TTN: variants seen among roughly 807,000 people sequenced by gnomAD.
TTN encodes the protein connectin.
In TTN, 1,525 loss-of-function variants were observed where a neutral mutation model predicts 3,223.0. That is an observed-to-expected ratio of 0.47 (90% CI 0.45 to 0.49). The LOEUF (loss-of-function observed/expected upper bound fraction) is 0.49, where lower values mean the gene tolerates loss of function less well. Ranked by LOEUF, TTN falls within the 20% of genes least tolerant of loss-of-function variation. The pLI is 0.00. For synonymous variants in TTN, 14,094 were observed against 15,161.0 expected, an observed-to-expected ratio of 0.93 and a Z score of 5.17; for missense variants, 40,786 against 43,424.0, an observed-to-expected ratio of 0.94 and a Z score of 5.40.
chr2:178,759,479 A>G (rs952068040), intron 43 of TTN, among the ~76,000 whole-genome samples: 1 of 152,240 alleles, frequency 6.6e-6, no homozygotes, highest in Non-Finnish European at 1.5e-5. Context: ...AGCAGAGACA[A>G]GATTTTGACA....
chr2:178,671,274 AT>A (rs1275979981), intron 155 of TTN, 104 bp from the exon 156 acceptor site: 5 of 711,094 alleles, frequency 7.0e-6, no homozygotes, highest in African/African-American at 3.8e-5. Flanking sequence ...CTTTATCTAT[AT>A]TTTTTTAATT....
chr2:178,615,939 A>T (rs2057255907), intron 257 of TTN, among the ~76,000 whole-genome samples, 151 bp from the exon 258 acceptor site: 1 of 151,996 alleles, frequency 6.6e-6, no homozygotes, highest in Non-Finnish European at 1.5e-5. Context: ...AAAATTGCAA[A>T]GTAGGATACA....
chr2:178,597,511 T>C, intron 294 of TTN, 27 bp downstream of exon 294: 1 of 1,594,814 alleles, frequency 6.3e-7, no homozygotes, highest in Non-Finnish European at 8.5e-7. Flanking sequence ...GTTTAAAAAG[T>C]TGCACAGACA....
rs770001635 is a variant in TTN at position 178,577,960 on chromosome 2, C to A, written c.68527+28G>T. On this transcript the variant is annotated intron_variant, in intron 322 of 362. Transcript: ENST00000589042. The stretch of plus-strand genomic sequence containing the variant: ...AGTTTTCTTCATGTAAAACATGCAC[C>A]TGGGTTTTTCTTCATATAATGACTT... The A allele has an allele frequency of 2.5e-6, 4 of 1,598,840 alleles. No homozygotes were observed. The African/African-American group carries it at 5.4e-5, about 22-fold the overall frequency.
At position 178,570,984 on chromosome 2, in the gene TTN, C is replaced by T. The variant is rs770754919; in HGVS notation, c.75148G>A (p.Glu25050Lys). The T allele has an allele frequency of 1.2e-6, 2 of 1,613,474 alleles. No individual in the cohort carries two copies. Among genetic ancestry groups the T allele is most frequent in the Admixed American group, 3.3e-5 (2 of 59,998 alleles). The stretch of plus-strand genomic sequence containing the variant: ...AAACTGGCTTTCATCCAACGGCCCT[C>T]AGGTAATTCTTTCTTCTCAACAATA... ...GYIVEKKELP[E>K]GRWMKASFTN... The change falls in exon 326 of 363, where the codon GAG becomes AAG. Residue 25050 changes from glutamate (E) to lysine (K), a missense_variant. Glu to Lys is a moderately conservative substitution (Grantham distance 56). Transcript: ENST00000589042.
chr2:178,689,011 T>C, intron 125 of TTN, 42 bp downstream of exon 125: 1 of 1,397,182 alleles, frequency 7.2e-7, no homozygotes, highest in Non-Finnish European at 9.5e-7. Flanking sequence ...AGATTTTTTT[T>C]TTTTTTTTTT....
chr2:178,586,908 A>G, intron 307 of TTN, 101 bp from the exon 308 acceptor site: 1 of 1,477,788 alleles, frequency 6.8e-7, no homozygotes. Context: ...TCCAATGTAC[A>G]TAGAACCTGT....
Position 178,802,009 on chromosome 2 carries a change from T to C in TTN, c.295+129A>G, listed in dbSNP as rs142613502. 41 of 1,145,598 alleles carry C rather than the reference T, an allele frequency of 3.6e-5. No individual in the cohort carries two copies. The African/African-American group carries it at 6.1e-4, about 17-fold the overall frequency. 71.0% of individuals were successfully genotyped at this position (1,145,598 alleles called of 1,614,324 possible). A position where few individuals can be genotyped will look rare whatever the true frequency, so the allele number is the denominator to read the frequency against. On this transcript the variant is annotated intron_variant, in intron 3 of 362. Transcript: ENST00000589042. ...CAACTTGGTTATAAATAATTCAGCC[T>C]CCAGTAGACCCTTCTGTAGTTTAAG... is the stretch of plus-strand genomic sequence containing the variant.
chr2:178,652,945 A>G lies in TTN; in HGVS notation c.38876-14T>C, dbSNP rs773527117. The stretch of plus-strand genomic sequence containing the variant: ...GAGCCTCTGGCACTTAAAAGATATT[A>G]GTGAAATTACATTTAGAAGTTTGAA... On this transcript the variant is annotated splice_polypyrimidine_tract_variant and intron_variant, in intron 199 of 362. Transcript: ENST00000589042. 29 of 1,603,788 alleles carry G rather than the reference A, an allele frequency of 1.8e-5. No individual in the cohort carries two copies. The South Asian group carries it at 3.1e-4, about 17-fold the overall frequency.
Position 178,573,700 on chromosome 2 carries a change from C to A in TTN, c.72432G>T (p.Trp24144Cys). ...EVTSEKCVLS[W>C]FPPLDDGGAK... The stretch of plus-strand genomic sequence containing the variant: ...CACCTCCATCATCCAGTGGAGGGAA[C>A]CATGATAGTACACACTTTTCTGATG... Residue 24144 changes from tryptophan to cysteine, a missense_variant, in exon 326 of 363, where the codon TGG (tryptophan) becomes TGT (cysteine). Transcript: ENST00000589042. 6.5e-7 allele frequency: 1 copy of A among 1,532,644 alleles called. No homozygotes were observed. Among genetic ancestry groups the A allele is most frequent in the Non-Finnish European group, 8.8e-7 (1 of 1,141,358 alleles). The allele number at this position is 1,532,644 out of a possible 1,614,324, so 94.9% of individuals were successfully genotyped here. A position where few individuals can be genotyped will look rare whatever the true frequency, so the allele number is the denominator to read the frequency against.
Position 178,532,477 on chromosome 2 carries a change from G to A in TTN, c.104138C>T (p.Pro34713Leu). ...TTCCTCCACCTTGACATGAGCTTGT[G>A]GTGAAGAGTAACGTAGGCTAGAAAG... ...FELSSLRYSS[P>L]QAHVKVEETR... is the part of the protein sequence containing the mutation. Residue 34713 changes from proline to leucine, a missense_variant, in exon 358 of 363, where the codon CCA becomes CTA. Pro to Leu is a moderately conservative substitution (Grantham distance 98). Transcript: ENST00000589042. The A allele has an allele frequency of 1.9e-6, 3 of 1,613,988 alleles. No individual in the cohort carries two copies. Among genetic ancestry groups the A allele is most frequent in the Non-Finnish European group, 2.5e-6 (3 of 1,179,876 alleles).
Position 178,741,645 on chromosome 2 carries a change from G to A in TTN, c.11588C>T (p.Ser3863Phe). ...GTCAAAAACAAATTTGTAGTCAGCA[G>A]AAGGGGTTAATAGCACTCCATTAAA... is the stretch of plus-strand genomic sequence containing the variant. ...WFFNGVLLTP[S>F]ADYKFVFDGD... is the part of the protein sequence containing the mutation. The change falls in exon 48 of 363, where the codon TCT becomes TTT. Residue 3863 changes from serine to phenylalanine, a missense_variant. Physicochemically the swap from Ser to Phe is radical, Grantham distance 155 (BLOSUM62 -2). Transcript: ENST00000589042. 1 of 1,613,866 alleles carries A rather than the reference G, an allele frequency of 6.2e-7. No homozygotes were observed. The highest frequency in any genetic ancestry group is 8.5e-7 in the Non-Finnish European group (1 of 1,179,800).
Position 178,549,234 on chromosome 2 carries a change from C to G in TTN, c.92392G>C (p.Glu30798Gln). ...GCAGGTCCAACTCCTGCAGCATTTTCAGCCATGACATGGAATTCATACTCA... is the reference window on the plus strand; with the variant it reads ...GCAGGTCCAACTCCTGCAGCATTTTGAGCCATGACATGGAATTCATACTCA... ...GNEYEFHVMA[E>Q]NAAGVGPASG... Residue 30798 changes from glutamate (E) to glutamine (Q), a missense_variant, in exon 339 of 363, where the codon GAA (glutamate) becomes CAA (glutamine). By Grantham distance (29) the Glu-to-Gln change is conservative. Coordinates refer to ENST00000589042, the MANE Select transcript of TTN (RefSeq NM_001267550.2). 1 of 1,613,894 alleles carries G rather than the reference C, an allele frequency of 6.2e-7. No homozygotes were observed. Among genetic ancestry groups the G allele is most frequent in the Non-Finnish European group, 8.5e-7 (1 of 1,179,850 alleles).
rs775692859 is a variant in TTN, at chr2:178,719,455, T to A, written c.23939-4A>T. 2.7e-5 allele frequency: 43 copies of A among 1,608,388 alleles called. 2 individuals are homozygous for A. The highest frequency in any genetic ancestry group is 4.3e-6 in the Non-Finnish European group (5 of 1,176,254). ...AAGGAAGGAGGCACAATCCGATCTA[T>A]GTGGGGAAGGGTAGTTTTGCGTTTA... On this transcript the variant is annotated splice_polypyrimidine_tract_variant and splice_region_variant and intron_variant, in intron 82 of 362. Transcript: ENST00000589042.
chr2:178,677,095 G>T, intron 147 of TTN, 106 bp downstream of exon 147: 2 of 607,894 alleles, frequency 3.3e-6, no homozygotes, highest in South Asian at 8.2e-5. Context: ...ATGTAACTGT[G>T]TGATTATCCA....
In TTN at chr2:178,720,648, G is replaced by C. The variant is rs772162626; in HGVS notation, c.23114C>G (p.Thr7705Ser). The C allele has an allele frequency of 2.5e-6, 4 of 1,591,862 alleles. No homozygotes were observed. The Admixed American group carries it at 5.4e-5, about 21-fold the overall frequency. The part of the protein sequence containing the change: ...ALTVKAPPVF[T>S]QKPSPVGALK... ...AGCTCCTACTGGAGAAGGCTTCTGG[G>C]TGAAAACAGGAGGTGCTACCAGAAA... Residue 7705 changes from threonine (T) to serine (S), a missense_variant, in exon 80 of 363, where the codon ACC becomes AGC. Coordinates refer to ENST00000589042, the MANE Select transcript of TTN (RefSeq NM_001267550.2).
In TTN at chr2:178,582,379, T is replaced by A. The variant is rs1298916237; in HGVS notation, c.66077A>T (p.Tyr22026Phe). 2 of 1,612,698 alleles carry A rather than the reference T, an allele frequency of 1.2e-6. No individual in the cohort carries two copies. The highest frequency in any genetic ancestry group is 2.2e-5 in the South Asian group (2 of 90,918). Residue 22026 changes from tyrosine to phenylalanine, a missense_variant, in exon 314 of 363, where the codon TAT becomes TTT. Transcript: ENST00000589042. ...SVEKLIEGHE[Y>F]QFRICAENKY... is the part of the protein sequence containing the mutation. ...ATTTTCAGCACAAATACGGAACTGATACTCATGGCCCTCTATAAGTTTCTC... is the reference window on the plus strand; with the variant it reads ...ATTTTCAGCACAAATACGGAACTGAAACTCATGGCCCTCTATAAGTTTCTC...
chr2:178,592,804 G>T lies in TTN; in HGVS notation c.59315C>A (p.Pro19772Gln). ...CCTGTCTTTTACTAGGACTGGCTCC[G>T]GAACATGAGCTGGATCTGATTCACC... is the stretch of plus-strand genomic sequence containing the variant. ...AAGESDPAHV[P>Q]EPVLVKDRLE... is the part of the protein sequence containing the mutation. The change falls in exon 300 of 363, where the codon CCG becomes CAG. Residue 19772 changes from proline (P) to glutamine (Q), a missense_variant. Transcript: ENST00000589042. The T allele has an allele frequency of 1.9e-6, 3 of 1,613,466 alleles. No homozygotes were observed.
At position 178,582,196 on chromosome 2, in the gene TTN, C is replaced by A. The variant is rs753077711; in HGVS notation, c.66173G>T (p.Arg22058Leu). Residue 22058 changes from arginine to leucine, a missense_variant, in exon 315 of 363, where the codon CGC becomes CTC. Transcript: ENST00000589042. ...GTTGCTAATAACAGGAGGATCACAGCGTCCTGGTGGGTCTGCAGAAATTGA... is the reference window on the plus strand; with the variant it reads ...GTTGCTAATAACAGGAGGATCACAGAGTCCTGGTGGGTCTGCAGAAATTGA... ...IAKNPYDPPG[R>L]CDPPVISNIT... 1.9e-6 allele frequency: 3 copies of A among 1,607,698 alleles called. No individual in the cohort carries two copies. The highest frequency in any genetic ancestry group is 2.5e-6 in the Non-Finnish European group (3 of 1,178,224).
Sources: gnomAD v4.1 joint callset for allele counts (sites outside exome capture counted in the v4.1 genomes callset) on GRCh38, gnomAD v4.1.1 for gene constraint, MANE v1.5 for transcripts, NCBI Gene and HGNC (gene_info 2026-07-23, HGNC 2026-07-21) for gene names.